The following SYNDIG1 variants were observed in gnomAD, a reference collection of about 807,000 sequenced individuals.
SYNDIG1 encodes synapse differentiation-inducing gene protein 1.
SYNDIG1 carries 9 observed loss-of-function variants against 19.4 expected under a neutral mutation model. That is an observed-to-expected ratio of 0.46 (90% CI 0.28 to 0.81). SYNDIG1 has a LOEUF of 0.81. Among genes scored for constraint, SYNDIG1 ranks in the 30% least tolerant of loss-of-function variants. The probability of loss-of-function intolerance (pLI) is 0.12; values close to 1 mark genes in which losing one functional copy is unlikely to be tolerated. For missense variants in SYNDIG1, 311 were observed against 343.3 expected, an observed-to-expected ratio of 0.91 and a Z score of 0.74; for synonymous variants, 141 against 145.9, an observed-to-expected ratio of 0.97 and a Z score of 0.24.
At chr20:24,607,290 G>T (rs1043968636) in intron 3 of SYNDIG1, among the ~76,000 whole-genome samples, 1 of 151,290 alleles carries the variant, frequency 6.6e-6, no homozygotes, top group African/African-American at 2.4e-5. Context: ...GAACCCAGGA[G>T]GCGGATGTTG....
intron 2 of SYNDIG1, among the ~76,000 whole-genome samples, chr20:24,573,618 T>TC (rs1198480130): frequency 6.6e-6 from 1 of 152,272 alleles, no homozygotes; most frequent in East Asian, 1.9e-4. Context: ...TAGTGATCTT[T>TC]CACACCAAGT....
intron 1 of SYNDIG1, among the ~76,000 whole-genome samples, chr20:24,513,589 GAAAC>G (rs1026919546): frequency 3.9e-5 from 6 of 152,330 alleles, no homozygotes; most frequent in South Asian, 4.1e-4. Flanking sequence ...AAAGTAAAAA[GAAAC>G]AAACAAAGCC....
intron 1 of SYNDIG1, among the ~76,000 whole-genome samples, chr20:24,494,169 G>T (rs2056235202): frequency 6.6e-6 from 1 of 152,210 alleles, no homozygotes; most frequent in African/African-American, 2.4e-5. Flanking sequence ...CGGCGCGCAT[G>T]GCCGAGGACT....
chr20:24,481,770 A>T (rs899898489), intron 1 of SYNDIG1, among the ~76,000 whole-genome samples: 1 of 152,216 alleles, frequency 6.6e-6, no homozygotes, highest in Non-Finnish European at 1.5e-5. Flanking sequence ...ATTAGTCAAC[A>T]TGGAGCACTT....
chr20:24,532,724 T>C (rs2057285302), intron 1 of SYNDIG1, among the ~76,000 whole-genome samples: 1 of 152,256 alleles, frequency 6.6e-6, no homozygotes, highest in African/African-American at 2.4e-5. Context: ...CATCCATGCA[T>C]GGCCCCACAG....
intron 1 of SYNDIG1, among the ~76,000 whole-genome samples, chr20:24,492,983 G>A (rs908832243): frequency 2.6e-5 from 4 of 152,198 alleles, no homozygotes; most frequent in Non-Finnish European, 4.4e-5. Flanking sequence ...ACTAATGACT[G>A]GAGAAGAGAA....
chr20:24,652,593 G>A (rs938619743), intron 3 of SYNDIG1, among the ~76,000 whole-genome samples: 1 of 152,214 alleles, frequency 6.6e-6, no homozygotes, highest in Admixed American at 6.5e-5. Context: ...TAGGAAAATG[G>A]AAACATGACA....
At chr20:24,558,490 T>C (rs2057871538) in intron 2 of SYNDIG1, among the ~76,000 whole-genome samples, 1 of 152,198 alleles carries the variant, frequency 6.6e-6, no homozygotes, top group Non-Finnish European at 1.5e-5. Flanking sequence ...ACAATCTCTG[T>C]CTTTTGATTG....
intron 3 of SYNDIG1, chr20:24,597,210 C>T (rs1480893868): frequency 2.0e-5 from 3 of 152,136 alleles, no homozygotes; most frequent in East Asian, 3.9e-4. Flanking sequence ...AATGGATGTC[C>T]ATTGTACATT....
At chr20:24,539,465 T>C (rs2057424711) in intron 1 of SYNDIG1, among the ~76,000 whole-genome samples, 1 of 152,234 alleles carries the variant, frequency 6.6e-6, no homozygotes, top group African/African-American at 2.4e-5. Context: ...ATGTGTGTAT[T>C]TATGCCATAT....
chr20:24,612,059 C>G (rs950839504), intron 3 of SYNDIG1, among the ~76,000 whole-genome samples: 3 of 152,174 alleles, frequency 2.0e-5, no homozygotes, highest in Non-Finnish European at 4.4e-5. Flanking sequence ...CAGAGAATAT[C>G]ACATAGTTTA....
chr20:24,633,654 C>A (rs980863138), intron 3 of SYNDIG1, among the ~76,000 whole-genome samples: 4 of 152,124 alleles, frequency 2.6e-5, no homozygotes, highest in Admixed American at 2.6e-4. Flanking sequence ...CATCTGGGAA[C>A]GTTTTAGGAT....
At chr20:24,622,725 T>C (rs1459073124) in intron 3 of SYNDIG1, among the ~76,000 whole-genome samples, 1 of 152,156 alleles carries the variant, frequency 6.6e-6, no homozygotes, top group Non-Finnish European at 1.5e-5. Flanking sequence ...CCAAAAAGGT[T>C]GGCAACCACT....
intron 3 of SYNDIG1, among the ~76,000 whole-genome samples, chr20:24,645,365 G>A (rs1411837136): frequency 6.6e-6 from 1 of 152,204 alleles, no homozygotes; most frequent in African/African-American, 2.4e-5. Flanking sequence ...CCCACAACTC[G>A]AGATGAGCAG....
intron 3 of SYNDIG1, among the ~76,000 whole-genome samples, chr20:24,608,157 C>T (rs1455133286): frequency 1.3e-5 from 2 of 151,276 alleles, no homozygotes; most frequent in Non-Finnish European, 2.9e-5. Context: ...ACAAATAATA[C>T]AGAAATTATT....
At chr20:24,527,300 TTG>T (rs2057143547) in intron 1 of SYNDIG1, among the ~76,000 whole-genome samples, 1 of 152,252 alleles carries the variant, frequency 6.6e-6, no homozygotes, top group African/African-American at 2.4e-5. Flanking sequence ...ATATCTTCCG[TTG>T]TGTTTTTTAC....
rs201022632 is a variant in SYNDIG1 at position 24,543,402 on chromosome 20, G to C, written c.305G>C (p.Trp102Ser). ...ILYSEGVLRS[W>S]GDGVAADCCE... ...TATTCAGAGGGCGTGCTGCGCTCCT[G>C]GGGGGACGGTGTGGCCGCCGACTGC... The change falls in exon 2 of 4, where the codon TGG becomes TCG. Residue 102 changes from tryptophan to serine, a missense_variant. Physicochemically the swap from Trp to Ser is radical, Grantham distance 177. Transcript: ENST00000376862. 11 of 1,613,656 alleles carry C rather than the reference G, an allele frequency of 6.8e-6. No individual in the cohort carries two copies. Among genetic ancestry groups the C allele is most frequent in the Non-Finnish European group, 8.5e-6 (10 of 1,180,020 alleles).
intron 2 of SYNDIG1, among the ~76,000 whole-genome samples, chr20:24,560,694 C>CTTTTTTTTTTTTTTTTTTTTTTTT (rs10658853): frequency 8.8e-6 from 1 of 113,822 alleles, no homozygotes. Flanking sequence ...CTGTTGACTA[C>CTTTTTTTTTTTTTTTTTTTTTTTT]TTTTTTTTTT....
chr20:24,526,455 T>C lies in SYNDIG1; in HGVS notation c.-78-16565T>C, dbSNP rs1039767015. Reference sequence around the variant, plus strand: ...TATTTAAGTATAAAGCTGAACATGTTCACACACTTCTGGAACATTAAAAGA... The same window carrying C: ...TATTTAAGTATAAAGCTGAACATGTCCACACACTTCTGGAACATTAAAAGA... On this transcript the variant is annotated intron_variant, in intron 1 of 3. Transcript: ENST00000376862. 4.6e-5 allele frequency among the ~76,000 whole-genome samples: 7 copies of C among 152,202 alleles called. No individual in the cohort carries two copies. In the South Asian group the frequency reaches 6.2e-4, roughly 13 times the overall value.
Sources: gnomAD v4.1 joint callset for allele counts (sites outside exome capture counted in the v4.1 genomes callset) on GRCh38, gnomAD v4.1.1 for gene constraint, MANE v1.5 for transcripts, NCBI Gene and HGNC (gene_info 2026-07-23, HGNC 2026-07-21) for gene names.